The following KLHL4 variants were observed in gnomAD, a reference collection of about 807,000 sequenced individuals.
The protein encoded by KLHL4 is kelch-like protein 4.
In KLHL4, 17 loss-of-function variants were observed where a neutral mutation model predicts 45.8. The ratio of observed to expected loss-of-function variants is 0.37; its 90% CI spans 0.25 to 0.56. KLHL4 has a LOEUF of 0.56. KLHL4 is among the 20% of genes least tolerant of loss of function. The pLI, the probability that KLHL4 is intolerant of heterozygous loss-of-function variation, is 0.79. For missense variants in KLHL4, 544 were observed against 544.9 expected (o/e 1.00, Z 0.02); for synonymous variants, 224 against 189.9 (o/e 1.18, Z -1.47).
intron 1 of KLHL4, among the ~76,000 whole-genome samples, chrX:87,523,737 C>T (rs374419175): frequency 2.7e-5 from 3 of 111,162 alleles, no homozygotes; most frequent in African/African-American, 9.8e-5. Flanking sequence ...CCGAGGCAGG[C>T]GGGTCACTTG....
At position 87,635,559 on chromosome X, in the gene KLHL4, C is replaced by G. The variant is rs370327208; in HGVS notation, c.1713-4C>G. The G allele has an allele frequency of 1.3e-5, 16 of 1,196,292 alleles. No individual in the cohort carries two copies. The African/African-American group carries it at 2.8e-4, about 21-fold the overall frequency. ...CATACACACAATTCTGTCTTTTTAT[C>G]TAGATTATATGCTATTGGTGGACGT... On this transcript the variant is annotated splice_region_variant and splice_polypyrimidine_tract_variant and intron_variant, in intron 8 of 10. Coordinates refer to ENST00000373119, the MANE Select transcript of KLHL4 (RefSeq NM_019117.5).
chrX:87,603,895 T>C (rs982788268), intron 1 of KLHL4, among the ~76,000 whole-genome samples: 1 of 109,930 alleles, frequency 9.1e-6, no homozygotes, highest in Admixed American at 9.8e-5. Flanking sequence ...CTTTCCCCAC[T>C]GCTTCCCAGT....
At chrX:87,596,111 C>T (rs777084770) in intron 1 of KLHL4, among the ~76,000 whole-genome samples, 14 of 111,547 alleles carry the variant, frequency 1.3e-4, no homozygotes, top group South Asian at 3.8e-4. Flanking sequence ...CATGTCTGCT[C>T]CCACTTCACC....
chrX:87,556,883 A>G (rs903324102), intron 1 of KLHL4, among the ~76,000 whole-genome samples: 2 of 110,895 alleles, frequency 1.8e-5, no homozygotes, highest in Non-Finnish European at 3.8e-5. Flanking sequence ...GAGGGGCACT[A>G]ATAGAAGCCA....
intron 3 of KLHL4, among the ~76,000 whole-genome samples, chrX:87,616,432 G>A (rs1486747026): frequency 9.0e-6 from 1 of 111,526 alleles, no homozygotes; most frequent in East Asian, 2.8e-4. Context: ...TTTAAAATCA[G>A]GAGTGAAATG....
chrX:87,532,789 C>G (rs1397768930), intron 1 of KLHL4, among the ~76,000 whole-genome samples: 1 of 109,969 alleles, frequency 9.1e-6, no homozygotes, highest in Non-Finnish European at 1.9e-5. Flanking sequence ...GATTTTGTAT[C>G]CTGAGACTTT....
intron 1 of KLHL4, among the ~76,000 whole-genome samples, chrX:87,546,849 C>T (rs776587142): frequency 3.5e-5 from 4 of 112,776 alleles, no homozygotes; most frequent in Non-Finnish European, 7.5e-5. Flanking sequence ...TTAATGACTG[C>T]CCTGCTGGAT....
At chrX:87,658,050 A>G (rs191213057) in intron 9 of KLHL4, among the ~76,000 whole-genome samples, 1 of 112,085 alleles carries the variant, frequency 8.9e-6, no homozygotes, top group East Asian at 2.8e-4. Context: ...CACCCTGCAG[A>G]GCTCCCTCCT....
At chrX:87,545,533 C>A (rs1040639257) in intron 1 of KLHL4, among the ~76,000 whole-genome samples, 4 of 111,735 alleles carry the variant, frequency 3.6e-5, no homozygotes, top group African/African-American at 1.3e-4. Context: ...CCCAGCCATG[C>A]AGAACTGTGA....
intron 1 of KLHL4, among the ~76,000 whole-genome samples, chrX:87,600,910 CAGTT>C (rs749025221): frequency 8.9e-6 from 1 of 111,859 alleles, no homozygotes; most frequent in East Asian, 2.8e-4. Context: ...TCCAACGTTT[CAGTT>C]AGATAGGAGA....
intron 9 of KLHL4, among the ~76,000 whole-genome samples, chrX:87,655,525 C>G (rs1319019451): frequency 1.8e-5 from 2 of 111,200 alleles, no homozygotes; most frequent in African/African-American, 3.3e-5. Flanking sequence ...CTTTTGTTTT[C>G]CATTTAAATT....
At chrX:87,562,677 A>T (rs1424243772) in intron 1 of KLHL4, among the ~76,000 whole-genome samples, 1 of 110,962 alleles carries the variant, frequency 9.0e-6, no homozygotes, top group Non-Finnish European at 1.9e-5. Flanking sequence ...ACACCCTGGG[A>T]TAGAAGGGAC....
Position 87,555,930 on chromosome X carries a change from G to A in KLHL4, c.422+37615G>A, listed in dbSNP as rs1434797223. Among the ~76,000 whole-genome samples, 9 of 109,921 alleles carry A rather than the reference G, an allele frequency of 8.2e-5. No homozygotes were observed. In the East Asian group the frequency reaches 1.1e-3, roughly 14 times the overall value. Reference sequence around the variant, plus strand: ...TCTGGTATGTTGTGTCTTTGTTCTCGTTGGTTTCAAAGAACATCTTTATTT... The same window carrying A: ...TCTGGTATGTTGTGTCTTTGTTCTCATTGGTTTCAAAGAACATCTTTATTT... On this transcript the variant is annotated intron_variant, in intron 1 of 10. Coordinates refer to ENST00000373119, the MANE Select transcript of KLHL4 (RefSeq NM_019117.5).
chrX:87,651,366 C>T (rs1411116293), intron 9 of KLHL4, among the ~76,000 whole-genome samples: 6 of 111,731 alleles, frequency 5.4e-5, no homozygotes, highest in African/African-American at 1.6e-4. Flanking sequence ...CAACAGTCCT[C>T]CAAACTCTTA....
chrX:87,559,299 T>C (rs1932046067), intron 1 of KLHL4, among the ~76,000 whole-genome samples: 1 of 112,044 alleles, frequency 8.9e-6, no homozygotes. Flanking sequence ...CTAGCCATAG[T>C]TTGTCAATGC....
Position 87,568,386 on chromosome X carries a change from TTTTTC to T in KLHL4, c.423-45486_423-45482del, listed in dbSNP as rs771505767. ...CAGCTTTTTTTCTTTTTCTTTTCTT[TTTTTC>T]TTTTTTTTTTTTTTTTTTTGCAGAA... On this transcript the variant is annotated intron_variant, in intron 1 of 10. Coordinates refer to ENST00000373119, the MANE Select transcript of KLHL4 (RefSeq NM_019117.5). Among the ~76,000 whole-genome samples, 342 of 69,206 alleles carry T rather than the reference TTTTTC, an allele frequency of 4.9e-3. 1 individual carries two copies. The highest frequency in any genetic ancestry group is 0.012 in the Middle Eastern group (2 of 164). 60.1% of individuals were successfully genotyped at this position (69,206 alleles called of 115,157 possible).
chrX:87,631,981 T>A (rs995914818), intron 6 of KLHL4, among the ~76,000 whole-genome samples: 2 of 111,843 alleles, frequency 1.8e-5, no homozygotes, highest in Non-Finnish European at 3.8e-5. Context: ...ACCAAACATA[T>A]TACATAAAAC....
rs1196411810 is a variant in KLHL4 at position 87,667,534 on chromosome X, T to C, written c.*1000T>C. On this transcript the variant is annotated 3_prime_UTR_variant, in exon 11 of 11. Coordinates refer to ENST00000373119, the MANE Select transcript of KLHL4 (RefSeq NM_019117.5). ...TAGTTATCTTTTTTGTACCAACACA[T>C]GCTTTTCTGTTACTGTTATATTATC... The C allele has an allele frequency of 2.4e-5, 17 of 700,333 alleles. No individual in the cohort carries two copies. Among genetic ancestry groups the C allele is most frequent in the Non-Finnish European group, 2.9e-5 (17 of 590,664 alleles). The allele number at this position is 700,333 out of a possible 1,213,427, so 57.7% of individuals were successfully genotyped here. A position where few individuals can be genotyped will look rare whatever the true frequency, so the allele number is the denominator to read the frequency against.
chrX:87,550,327 T>C (rs1264328357), intron 1 of KLHL4, among the ~76,000 whole-genome samples: 1 of 110,535 alleles, frequency 9.0e-6, no homozygotes, highest in Non-Finnish European at 1.9e-5. Flanking sequence ...TACTCTGAAC[T>C]GACCAATAAC....
Sources: gnomAD v4.1 joint callset for allele counts (sites outside exome capture counted in the v4.1 genomes callset) on GRCh38, gnomAD v4.1.1 for gene constraint, MANE v1.5 for transcripts, NCBI Gene and HGNC (gene_info 2026-07-23, HGNC 2026-07-21) for gene names.